The following ECE1 variants were observed in gnomAD, a reference collection of about 807,000 sequenced individuals.
ECE1 encodes the protein endothelin converting enzyme 1.
ECE1 carries 35 observed loss-of-function variants against 98.6 expected under a neutral mutation model. The observed-to-expected ratio is 0.35, with a 90% confidence interval of 0.27 to 0.47. ECE1 has a LOEUF of 0.47. ECE1 is among the 20% of genes least tolerant of loss of function. The pLI is 1.00. For synonymous variants in ECE1, 394 were observed against 407.1 expected (o/e 0.97, Z 0.39); for missense variants, 814 against 1,025.3 (o/e 0.79, Z 2.81).
At chr1:21,249,219 T>C (rs997814595) in intron 8 of ECE1, among the ~76,000 whole-genome samples, 1 of 151,514 alleles carries the variant, frequency 6.6e-6, no homozygotes, top group East Asian at 2.0e-4. Context: ...GGTACATGCC[T>C]GTAGTCCCAG....
chr1:21,295,848 T>C (rs910143005), intron 1 of ECE1, among the ~76,000 whole-genome samples: 2 of 152,236 alleles, frequency 1.3e-5, no homozygotes, highest in Non-Finnish European at 2.9e-5. Context: ...ACTCACAGGT[T>C]TCCTGGCTCA....
At chr1:21,228,123 A>C (rs566273028) in intron 14 of ECE1, 82 bp from the exon 15 acceptor site, 2 of 1,129,232 alleles carry the variant, frequency 1.8e-6, no homozygotes, top group East Asian at 5.2e-5. Context: ...CTGCTTGGGG[A>C]TCGGGAATAA....
At chr1:21,325,448 C>T (rs968701553) in intron 1 of ECE1, among the ~76,000 whole-genome samples, 2 of 152,264 alleles carry the variant, frequency 1.3e-5, no homozygotes, top group Non-Finnish European at 2.9e-5. Flanking sequence ...AGAAAGGGCA[C>T]TCCCTGCTCC....
chr1:21,256,280 G>T (rs1403609047), intron 7 of ECE1, 142 bp from the exon 8 acceptor site: 1 of 950,880 alleles, frequency 1.1e-6, no homozygotes, highest in Non-Finnish European at 1.5e-6. Context: ...GTGGGGCCAG[G>T]TGTGGTGGCT....
chr1:21,230,743 A>T (rs143493639), intron 14 of ECE1, among the ~76,000 whole-genome samples: 4 of 152,304 alleles, frequency 2.6e-5, no homozygotes, highest in African/African-American at 9.6e-5. Context: ...GCAGAATCAG[A>T]TATGAGAATC....
At chr1:21,300,792 G>A (rs1638466792) in intron 1 of ECE1, among the ~76,000 whole-genome samples, 1 of 151,992 alleles carries the variant, frequency 6.6e-6, no homozygotes, top group African/African-American at 2.4e-5. Flanking sequence ...TAAGAGCATA[G>A]ACTCTGAAGC....
At chr1:21,306,341 T>G (rs1569718982) in intron 1 of ECE1, among the ~76,000 whole-genome samples, 1 of 151,906 alleles carries the variant, frequency 6.6e-6, no homozygotes, top group Non-Finnish European at 1.5e-5. Context: ...TTGTTTTTTT[T>G]TTTTTCAGAT....
At chr1:21,247,192 G>A (rs200808301) in intron 9 of ECE1, 29 bp downstream of exon 9, 34 of 1,613,952 alleles carry the variant, frequency 2.1e-5, no homozygotes, top group East Asian at 6.7e-5. Flanking sequence ...TGTGAGAGGC[G>A]TGCCCCAGGC....
chr1:21,317,936 GT>G (rs1388454512), intron 1 of ECE1, among the ~76,000 whole-genome samples: 2 of 152,208 alleles, frequency 1.3e-5, no homozygotes, highest in Non-Finnish European at 2.9e-5. Flanking sequence ...TGACCCCAAT[GT>G]TCTTGAACTT....
Position 21,345,274 on chromosome 1 carries a change from C to G in ECE1, c.3+102G>C. On this transcript the variant is annotated intron_variant, in intron 1 of 18. Transcript: ENST00000415912. This position sits in a 1 kb window ranked among gnomAD's most constrained non-coding sequence, Gnocchi z 5.1. ...GCTGCTGCTGCAGCCGGCGCCCAGC[C>G]CCCCGCGAGCCAGGGCGGCCCCGGG... is the stretch of plus-strand genomic sequence containing the variant. The G allele has an allele frequency of 8.2e-7, 1 of 1,218,886 alleles. No homozygotes were observed. The highest frequency in any genetic ancestry group is 3.1e-5 in the South Asian group (1 of 31,842). The allele number at this position is 1,218,886 out of a possible 1,614,324, so 75.5% of individuals were successfully genotyped here.
chr1:21,292,314 A>G (rs2098267319), upstream of ECE1, among the ~76,000 whole-genome samples: 1 of 139,112 alleles, frequency 7.2e-6, no homozygotes, highest in South Asian at 2.3e-4. Flanking sequence ...TCCCCCACCA[A>G]CCTCCTCACA....
At chr1:21,315,844 C>G (rs1356637395) in intron 1 of ECE1, among the ~76,000 whole-genome samples, 1 of 147,906 alleles carries the variant, frequency 6.8e-6, no homozygotes, top group Non-Finnish European at 1.5e-5. Context: ...TTCTAGGATT[C>G]TAGGGCTCTA....
intron 4 of ECE1, among the ~76,000 whole-genome samples, chr1:21,269,204 G>A (rs910179185): frequency 1.3e-5 from 2 of 152,214 alleles, no homozygotes; most frequent in African/African-American, 4.8e-5. Flanking sequence ...AGGTCCCACA[G>A]CTCTGGGTCT....
chr1:21,217,503 G>C lies in ECE1; in HGVS notation c.*2452C>G, dbSNP rs1185162934. The stretch of plus-strand genomic sequence containing the variant: ...GAGCCCTCTTCTTCCCCAACCCCCT[G>C]CCGGCCCCGGCAGACCTGAGCCATG... On this transcript the variant is annotated 3_prime_UTR_variant, in exon 19 of 19. Coordinates refer to ENST00000374893, the MANE Select transcript of ECE1 (RefSeq NM_001397.3). The C allele has an allele frequency of 6.6e-6, 1 of 152,250 alleles. No homozygotes were observed. The allele number at this position is 152,250 out of a possible 1,614,324, so 9.4% of individuals were successfully genotyped here. A position where few individuals can be genotyped will look rare whatever the true frequency, so the allele number is the denominator to read the frequency against.
rs563743055 is a variant in ECE1, at chr1:21,253,719, C to A, written c.1020+2228G>T. 2.1e-5 allele frequency among the ~76,000 whole-genome samples: 3 copies of A among 143,482 alleles called. No homozygotes were observed. The South Asian group carries it at 6.6e-4, about 31-fold the overall frequency. 94.1% of individuals were successfully genotyped at this position (143,482 alleles called of 152,430 possible). A position where few individuals can be genotyped will look rare whatever the true frequency, so the allele number is the denominator to read the frequency against. ...TGGAGCTTGCAGAGAGCCGAGATGG[C>A]GCCACTGCACTCCAGCCTGGGCGAG... is the stretch of plus-strand genomic sequence containing the variant. On this transcript the variant is annotated intron_variant, in intron 8 of 18. Transcript: ENST00000374893.
intron 2 of ECE1, among the ~76,000 whole-genome samples, chr1:21,289,573 G>A (rs1198197312): frequency 1.3e-5 from 2 of 152,202 alleles, no homozygotes; most frequent in Non-Finnish European, 2.9e-5. Flanking sequence ...CAGGTATTGG[G>A]AGGGCAAGAG....
chr1:21,245,107 C>A lies in ECE1; in HGVS notation c.1164-4G>T. 1 of 1,613,274 alleles carries A rather than the reference C, an allele frequency of 6.2e-7. No homozygotes were observed. Among genetic ancestry groups the A allele is most frequent in the South Asian group, 1.1e-5 (1 of 91,026 alleles). On this transcript the variant is annotated splice_region_variant and splice_polypyrimidine_tract_variant and intron_variant, in intron 9 of 18. Coordinates refer to ENST00000374893, the MANE Select transcript of ECE1 (RefSeq NM_001397.3). ...GATCATGTAGTTGTTGAGCAGGCTG[C>A]GGGGAGAGGAGGCCAGAGAGGCTCA...
chr1:21,313,322 A>G (rs1257890904), intron 1 of ECE1, among the ~76,000 whole-genome samples: 1 of 150,952 alleles, frequency 6.6e-6, no homozygotes, highest in Non-Finnish European at 1.5e-5. Flanking sequence ...TCCCCAGTAC[A>G]CTCCATCCCC....
At chr1:21,285,056 G>C (rs2098259056) in intron 2 of ECE1, among the ~76,000 whole-genome samples, 2 of 152,156 alleles carry the variant, frequency 1.3e-5, no homozygotes, top group Admixed American at 1.3e-4. Context: ...CCTTCTGGCT[G>C]AGGCAATGGG....
Sources: gnomAD v4.1 joint callset for allele counts (sites outside exome capture counted in the v4.1 genomes callset) on GRCh38, gnomAD v4.1.1 for gene constraint, Gnocchi (gnomAD v3.1) non-coding constraint, MANE v1.5 for transcripts, NCBI Gene and HGNC (gene_info 2026-07-23, HGNC 2026-07-21) for gene names.